Variants in SFSWAP observed in about 807,000 individuals in gnomAD.
SFSWAP encodes splicing factor SWAP, also known as splicing factor, suppressor of white-apricot homolog.
In SFSWAP, 17 loss-of-function variants were observed where a neutral mutation model predicts 100.7. That is an observed-to-expected ratio of 0.17 (90% CI 0.12 to 0.25). The LOEUF (loss-of-function observed/expected upper bound fraction) is 0.25, where lower values mean the gene tolerates loss of function less well. Ranked by LOEUF, SFSWAP falls within the 10% of genes least tolerant of loss-of-function variation. The pLI is 1.00. For missense variants in SFSWAP, 1,005 were observed against 1,262.6 expected (o/e 0.80, Z 3.09); for synonymous variants, 504 against 510.1 (o/e 0.99, Z 0.16).
At chr12:131,739,427 A>T (rs761474678) in intron 7 of SFSWAP, among the ~76,000 whole-genome samples, 2 of 152,078 alleles carry the variant, frequency 1.3e-5, no homozygotes, top group African/African-American at 2.4e-5. Context: ...AGTGAGTAGG[A>T]CAGTCAATAT....
At chr12:131,795,623 G>C (rs1885583350) in intron 15 of SFSWAP, among the ~76,000 whole-genome samples, 4 of 152,026 alleles carry the variant, frequency 2.6e-5, no homozygotes, top group Admixed American at 2.6e-4. Flanking sequence ...GAAGTCCGGA[G>C]GCCCTGATGA....
chr12:131,721,273 G>C (rs1347886478), intron 4 of SFSWAP, among the ~76,000 whole-genome samples: 1 of 152,174 alleles, frequency 6.6e-6, no homozygotes, highest in Non-Finnish European at 1.5e-5. Flanking sequence ...TGGGGACACA[G>C]ATCCAAACTG....
At chr12:131,745,677 T>G (rs1881036361) in intron 7 of SFSWAP, among the ~76,000 whole-genome samples, 1 of 151,678 alleles carries the variant, frequency 6.6e-6, no homozygotes, top group African/African-American at 2.4e-5. Flanking sequence ...TCAGGCAGGC[T>G]GGCACAGTCT....
chr12:131,727,929 G>C (rs1175574593), intron 6 of SFSWAP, among the ~76,000 whole-genome samples: 1 of 152,190 alleles, frequency 6.6e-6, no homozygotes, highest in Non-Finnish European at 1.5e-5. Flanking sequence ...AATGATTGCT[G>C]ATTGATTGGA....
At position 131,756,640 on chromosome 12, in the gene SFSWAP, G is replaced by A. The variant is rs1312263901; in HGVS notation, c.1716G>A (p.Val572=). Residue 572 remains valine (V), a synonymous_variant, in exon 11 of 18, where the codon GTG becomes GTA. Transcript: ENST00000261674. ...AGACCGTCCCGGACGGGAAGCTGGT[G>A]AAAGGTATGCTGCCACTTGCATGTT... The part of the protein sequence containing the change: ...SSKTVPDGKL[V]KASFAPISFA... 5 of 1,588,500 alleles carry A rather than the reference G, an allele frequency of 3.1e-6. No homozygotes were observed. Among genetic ancestry groups the A allele is most frequent in the African/African-American group, 1.4e-5 (1 of 73,918 alleles).
rs531712444 is a variant in SFSWAP at position 131,745,461 on chromosome 12, C to T, written c.1082-7662C>T. ...ATTTCTCTCATTCACTTCTAGAGGA[C>T]CTTGAAGGTTTCTAACATCCCCTGG... is the stretch of plus-strand genomic sequence containing the variant. On this transcript the variant is annotated intron_variant, in intron 7 of 17. Coordinates refer to ENST00000261674, the MANE Select transcript of SFSWAP (RefSeq NM_004592.4). Among the ~76,000 whole-genome samples the T allele has an allele frequency of 7.2e-5, 11 of 152,250 alleles. No individual in the cohort carries two copies. In the East Asian group the frequency reaches 2.1e-3, roughly 29 times the overall value.
At position 131,786,594 on chromosome 12, in the gene SFSWAP, C is replaced by A. The variant is rs750216738; in HGVS notation, c.2534+6C>A. ...AGGAAGCGGACCCGCTCCAGGTAGG[C>A]CACTGGGTGTGCACGCAGGTGCTGG... On this transcript the variant is annotated splice_donor_region_variant and intron_variant, in intron 15 of 17. Transcript: ENST00000261674. The A allele has an allele frequency of 2.9e-5, 46 of 1,588,102 alleles. No individual in the cohort carries two copies. The highest frequency in any genetic ancestry group is 3.9e-5 in the Non-Finnish European group (46 of 1,168,752).
chr12:131,731,084 G>T (rs1184423385), intron 7 of SFSWAP, among the ~76,000 whole-genome samples: 1 of 152,206 alleles, frequency 6.6e-6, no homozygotes, highest in South Asian at 2.1e-4. Flanking sequence ...AGGGTCAGAA[G>T]GTGGGGGAGG....
chr12:131,789,548 G>T (rs113086050), intron 15 of SFSWAP, among the ~76,000 whole-genome samples: 1 of 152,086 alleles, frequency 6.6e-6, no homozygotes, highest in Non-Finnish European at 1.5e-5. Context: ...AAAAAAAAGT[G>T]TACAATAAAC....
intron 7 of SFSWAP, among the ~76,000 whole-genome samples, chr12:131,750,205 C>T (rs1465950070): frequency 1.3e-5 from 2 of 152,214 alleles, no homozygotes; most frequent in Non-Finnish European, 2.9e-5. Context: ...AAGTGAGAAT[C>T]TGGGAGAAGC....
At chr12:131,795,336 C>CAG (rs1885550165) in intron 15 of SFSWAP, among the ~76,000 whole-genome samples, 1 of 152,218 alleles carries the variant, frequency 6.6e-6, no homozygotes, top group African/African-American at 2.4e-5. Context: ...ACTTCACTGG[C>CAG]ACCAACACAG....
At chr12:131,763,477 T>C (rs778901968) in intron 11 of SFSWAP, among the ~76,000 whole-genome samples, 1 of 152,204 alleles carries the variant, frequency 6.6e-6, no homozygotes. Context: ...AGGGACTCTG[T>C]GTTCATTGAG....
chr12:131,777,449 C>T (rs1324494763), intron 13 of SFSWAP, among the ~76,000 whole-genome samples: 1 of 152,198 alleles, frequency 6.6e-6, no homozygotes, highest in Admixed American at 6.5e-5. Context: ...CAGCTTCATC[C>T]ATGTCCCTAC....
chr12:131,746,077 A>G (rs1881076373), intron 7 of SFSWAP, among the ~76,000 whole-genome samples: 1 of 152,270 alleles, frequency 6.6e-6, no homozygotes, highest in Non-Finnish European at 1.5e-5. Context: ...TAATACATGT[A>G]CATGCGTAGT....
At chr12:131,742,599 G>T (rs1021980055) in intron 7 of SFSWAP, among the ~76,000 whole-genome samples, 1 of 151,346 alleles carries the variant, frequency 6.6e-6, no homozygotes, top group African/African-American at 2.4e-5. Context: ...ATCCAATTTG[G>T]TGATGTCAAA....
In SFSWAP at chr12:131,731,901, C is replaced by CTTTT. The variant is rs755819493; in HGVS notation, c.1081+3496_1081+3499dup. On this transcript the variant is annotated intron_variant, in intron 7 of 17. Coordinates refer to ENST00000261674, the MANE Select transcript of SFSWAP (RefSeq NM_004592.4). ...TTTTTGAGTATGCATTACTATTTTACTTTTTTTTTTTTTTTTTTTTTTTTT... is the reference window on the plus strand; with the variant it reads ...TTTTTGAGTATGCATTACTATTTTACTTTTTTTTTTTTTTTTTTTTTTTTTTTTT... Among the ~76,000 whole-genome samples the CTTTT allele has an allele frequency of 3.3e-4, 18 of 55,310 alleles. 3 individuals carry two copies. Among genetic ancestry groups the CTTTT allele is most frequent in the Non-Finnish European group, 5.0e-4 (15 of 30,298 alleles). 36.3% of individuals were successfully genotyped at this position (55,310 alleles called of 152,430 possible).
intron 3 of SFSWAP, 72 bp downstream of exon 3, chr12:131,715,025 C>T: frequency 6.5e-7 from 1 of 1,536,454 alleles, no homozygotes; most frequent in Non-Finnish European, 9.0e-7. Flanking sequence ...CACCGTGGTC[C>T]AGTCTGCAGA....
In SFSWAP at chr12:131,787,469, G is replaced by C. The variant is rs116145287; in HGVS notation, c.2534+881G>C. ...AGCCGTGCATTTCCACTCTTTCCAA[G>C]CACAAGGAGCTTGTTTTGTGTCCCC... On this transcript the variant is annotated intron_variant, in intron 15 of 17. Transcript: ENST00000261674. Among the ~76,000 whole-genome samples, 1,023 of 152,278 alleles carry C rather than the reference G, an allele frequency of 6.7e-3. 14 individuals are homozygous for C. Among genetic ancestry groups the C allele is most frequent in the African/African-American group, 0.023 (973 of 41,556 alleles).
At chr12:131,785,456 G>A (rs141762136) in intron 14 of SFSWAP, 101 of 450,192 alleles carry the variant, frequency 2.2e-4, no homozygotes, top group African/African-American at 1.7e-3. Flanking sequence ...AAATCAAACC[G>A]CTCTTCTTTA....
Sources: gnomAD v4.1 joint callset for allele counts (sites outside exome capture counted in the v4.1 genomes callset) on GRCh38, gnomAD v4.1.1 for gene constraint, MANE v1.5 for transcripts, NCBI Gene and HGNC (gene_info 2026-07-23, HGNC 2026-07-21) for gene names.